SDHAF4: variants seen among roughly 807,000 people sequenced by gnomAD.
The protein encoded by SDHAF4 is succinate dehydrogenase assembly factor 4, mitochondrial.
Under a neutral mutation model 14.3 loss-of-function variants are expected in SDHAF4, and 14 were observed. The ratio of observed to expected loss-of-function variants is 0.98; its 90% CI spans 0.65 to 1.53. SDHAF4 has a LOEUF of 1.53. Ranked by LOEUF, SDHAF4 falls within the 40% of genes most tolerant of loss-of-function variation. The pLI is 0.00. For missense variants in SDHAF4, 141 were observed against 129.3 expected (o/e 1.09, Z -0.44); for synonymous variants, 63 against 47.3 (o/e 1.33, Z -1.36).
downstream of SDHAF4, among the ~76,000 whole-genome samples, chr6:70,590,588 G>A (rs913337036): frequency 1.3e-5 from 2 of 152,098 alleles, no homozygotes; most frequent in Non-Finnish European, 2.9e-5. Flanking sequence ...TCACACCCTG[G>A]TTTTTCAGGA....
At chr6:70,592,552 G>T (rs948521661), downstream of SDHAF4, among the ~76,000 whole-genome samples, 8 of 152,124 alleles carry the variant, frequency 5.3e-5, no homozygotes, top group Non-Finnish European at 2.9e-5. Flanking sequence ...CCCAAGGCTG[G>T]GTGTTTTATA....
chr6:70,586,098 C>T (rs748359408), intron 2 of SDHAF4, among the ~76,000 whole-genome samples: 1 of 152,148 alleles, frequency 6.6e-6, no homozygotes, highest in Non-Finnish European at 1.5e-5. Flanking sequence ...TAAGTAGCTA[C>T]GATGATGACC....
Position 70,589,163 on chromosome 6 carries a change from G to C in SDHAF4, c.*439G>C, listed in dbSNP as rs1026414482. ...AACATATATTAATTTAATGAGTATAGAAATGATTCTTGTTTTTTTGAGACA... is the reference window on the plus strand; with the variant it reads ...AACATATATTAATTTAATGAGTATACAAATGATTCTTGTTTTTTTGAGACA... On this transcript the variant is annotated 3_prime_UTR_variant, in exon 3 of 3. Coordinates refer to ENST00000370474, the MANE Select transcript of SDHAF4 (RefSeq NM_145267.3). 6.6e-6 allele frequency: 1 copy of C among 152,092 alleles called. No individual in the cohort carries two copies. Among genetic ancestry groups the C allele is most frequent in the East Asian group, 1.9e-4 (1 of 5,184 alleles). The allele number at this position is 152,092 out of a possible 1,614,324, so 9.4% of individuals were successfully genotyped here.
the SDHAF4 span, among the ~76,000 whole-genome samples, chr6:70,596,114 C>T: frequency 6.6e-6 from 1 of 152,104 alleles, no homozygotes; most frequent in African/African-American, 2.4e-5. Context: ...ATCAAACATT[C>T]ATGAAAAATT....
chr6:70,592,353 G>T (rs1765266911), downstream of SDHAF4, among the ~76,000 whole-genome samples: 1 of 152,196 alleles, frequency 6.6e-6, no homozygotes, highest in Non-Finnish European at 1.5e-5. Flanking sequence ...TAGAAGACAA[G>T]AAGACTAGGG....
intron 1 of SDHAF4, among the ~76,000 whole-genome samples, chr6:70,568,506 G>A (rs1802133494): frequency 1.3e-5 from 2 of 152,090 alleles, no homozygotes; most frequent in South Asian, 2.1e-4. Context: ...AGATAACGCT[G>A]TGTTTTGTGA....
rs1011136937 is a variant in SDHAF4, at chr6:70,570,019, C to T, written c.64+3015C>T. 1.5e-4 allele frequency among the ~76,000 whole-genome samples: 23 copies of T among 152,128 alleles called. No homozygotes were observed. The East Asian group carries it at 2.3e-3, about 15-fold the overall frequency. ...GGACCTTTCCCCTACTGATATAATGCGAGCCATCATAAATCAAGTTTACTT... is the reference window on the plus strand; with the variant it reads ...GGACCTTTCCCCTACTGATATAATGTGAGCCATCATAAATCAAGTTTACTT... On this transcript the variant is annotated intron_variant, in intron 1 of 2. Transcript: ENST00000370474.
intron 1 of SDHAF4, among the ~76,000 whole-genome samples, chr6:70,573,659 T>A (rs1049519639): frequency 1.3e-5 from 2 of 151,678 alleles, no homozygotes; most frequent in East Asian, 3.9e-4. Context: ...TTTTCTTTTC[T>A]TTTCTTTTCT....
At chr6:70,572,684 A>T (rs1275688950) in intron 1 of SDHAF4, among the ~76,000 whole-genome samples, 1 of 151,748 alleles carries the variant, frequency 6.6e-6, no homozygotes, top group Non-Finnish European at 1.5e-5. Flanking sequence ...TGCATCTCAC[A>T]TAAACAGCAT....
chr6:70,569,369 A>G (rs1261738224), intron 1 of SDHAF4, among the ~76,000 whole-genome samples: 5 of 149,704 alleles, frequency 3.3e-5, no homozygotes, highest in Non-Finnish European at 7.4e-5. Context: ...CCTGAGTTCA[A>G]ACGATTCTCC....
At chr6:70,575,663 C>G (rs1802244874) in intron 1 of SDHAF4, among the ~76,000 whole-genome samples, 2 of 151,924 alleles carry the variant, frequency 1.3e-5, no homozygotes, top group Non-Finnish European at 2.9e-5. Flanking sequence ...TCTGATTTAT[C>G]AAATTACCAG....
intron 1 of SDHAF4, among the ~76,000 whole-genome samples, chr6:70,572,603 T>C (rs984745192): frequency 6.6e-6 from 1 of 152,100 alleles, no homozygotes; most frequent in African/African-American, 2.4e-5. Flanking sequence ...GTAAATTATG[T>C]TTTTATTCAT....
chr6:70,567,427 C>T (rs1802111947), intron 1 of SDHAF4: 1 of 166,240 alleles, frequency 6.0e-6, no homozygotes, highest in African/African-American at 2.4e-5. Context: ...AATCCGCGCT[C>T]CTGGTCCAGG....
At chr6:70,581,301 T>A (rs1264138034) in intron 2 of SDHAF4, among the ~76,000 whole-genome samples, 1 of 146,240 alleles carries the variant, frequency 6.8e-6, no homozygotes, top group East Asian at 1.9e-4. Context: ...TTATATATAT[T>A]TTACCACAGT....
intron 1 of SDHAF4, among the ~76,000 whole-genome samples, chr6:70,575,918 G>T (rs1454820735): frequency 6.6e-6 from 1 of 152,138 alleles, no homozygotes; most frequent in Non-Finnish European, 1.5e-5. Context: ...TTTTAAGTTT[G>T]TCAGCTATTT....
At chr6:70,578,364 A>G (rs1802281731) in intron 1 of SDHAF4, among the ~76,000 whole-genome samples, 1 of 152,052 alleles carries the variant, frequency 6.6e-6, no homozygotes, top group Admixed American at 6.6e-5. Context: ...TTGGCCGCTT[A>G]TATGTCTTCT....
intron 1 of SDHAF4, chr6:70,567,753 T>G (rs1281290435): frequency 6.6e-6 from 1 of 152,250 alleles, no homozygotes; most frequent in Admixed American, 6.5e-5. Context: ...TGGCGCAATC[T>G]CGGCTCACTG....
chr6:70,569,090 C>T (rs1445797361), intron 1 of SDHAF4, among the ~76,000 whole-genome samples: 3 of 150,832 alleles, frequency 2.0e-5, no homozygotes, highest in Admixed American at 6.6e-5. Context: ...CTCAGCCTCC[C>T]GTGTAGCTGG....
intron 2 of SDHAF4, among the ~76,000 whole-genome samples, chr6:70,586,784 C>G (rs983082627): frequency 6.6e-6 from 1 of 152,098 alleles, no homozygotes; most frequent in Admixed American, 6.6e-5. Context: ...TACTAAATTA[C>G]TGATAATTGC....
Sources: gnomAD v4.1 joint callset for allele counts (sites outside exome capture counted in the v4.1 genomes callset) on GRCh38, gnomAD v4.1.1 for gene constraint, MANE v1.5 for transcripts, NCBI Gene and HGNC (gene_info 2026-07-23, HGNC 2026-07-21) for gene names.